CHLSN: variants seen among roughly 807,000 people sequenced by gnomAD.
CHLSN encodes the protein protein cholesin.
chr7:1,037,534 C>G, the CHLSN span, among the ~76,000 whole-genome samples: 5 of 144,790 alleles, frequency 3.5e-5, no homozygotes, highest in East Asian at 5.8e-4. Context: ...GACGGAGTCT[C>G]GTTCACTCAG....
chr7:1,078,506 C>T, the CHLSN span, among the ~76,000 whole-genome samples: 1 of 152,210 alleles, frequency 6.6e-6, no homozygotes, highest in Non-Finnish European at 1.5e-5. Context: ...GCAGGCGCTG[C>T]GCTCAGGTGG....
chr7:996,035 G>A, the CHLSN span, among the ~76,000 whole-genome samples: 1 of 152,218 alleles, frequency 6.6e-6, no homozygotes, highest in African/African-American at 2.4e-5. Context: ...AGCCAGACCT[G>A]CCCAGACCAC....
chr7:1,027,777 G>A, the CHLSN span, among the ~76,000 whole-genome samples: 1 of 152,268 alleles, frequency 6.6e-6, no homozygotes, highest in Non-Finnish European at 1.5e-5. Flanking sequence ...GGGCGAGGCG[G>A]CGCTGCGGGC....
At chr7:1,064,028 C>G in the CHLSN span, among the ~76,000 whole-genome samples, 3,300 of 152,170 alleles carry the variant, frequency 0.022, 124 homozygotes, top group African/African-American at 0.076. Context: ...CTGGCAGCCT[C>G]TGAGGGGAGG....
the CHLSN span, among the ~76,000 whole-genome samples, chr7:1,022,700 T>C: frequency 6.6e-6 from 1 of 152,184 alleles, no homozygotes; most frequent in Non-Finnish European, 1.5e-5. Context: ...TAATTTACTC[T>C]TATTCTGCAA....
At chr7:1,070,464 C>T in the CHLSN span, among the ~76,000 whole-genome samples, 31 of 151,788 alleles carry the variant, frequency 2.0e-4, 1 homozygote, top group Admixed American at 2.0e-3. Context: ...GGCCAGCACA[C>T]ATGCACGCAC....
the CHLSN span, chr7:1,028,281 G>T: frequency 3.5e-5 from 38 of 1,074,508 alleles, no homozygotes; most frequent in African/African-American, 6.4e-4. Flanking sequence ...GTCAGGTCCC[G>T]CGGGCACGGA....
the CHLSN span, among the ~76,000 whole-genome samples, chr7:1,014,808 G>C: frequency 1.6e-4 from 24 of 149,098 alleles, 1 homozygote. Context: ...GCAGCGATCC[G>C]GCCACGGCAG....
chr7:1,028,525 C>G, the CHLSN span: 1 of 985,042 alleles, frequency 1.0e-6, no homozygotes, highest in Non-Finnish European at 1.2e-6. Context: ...CTGCAGCCCC[C>G]ACTGCTCCTC....
At chr7:1,012,406 G>A in the CHLSN span, among the ~76,000 whole-genome samples, 1 of 152,254 alleles carries the variant, frequency 6.6e-6, no homozygotes, top group African/African-American at 2.4e-5. Flanking sequence ...CCCATATCGG[G>A]GCCAAGCCGG....
chr7:1,055,351 T>C, the CHLSN span: 1 of 470,986 alleles, frequency 2.1e-6, no homozygotes, highest in South Asian at 1.5e-5. Flanking sequence ...GATAAGAGCC[T>C]GCGGGTTTGC....
At chr7:1,116,405 A>C in the CHLSN span, among the ~76,000 whole-genome samples, 1 of 142,576 alleles carries the variant, frequency 7.0e-6, no homozygotes, top group Non-Finnish European at 1.5e-5. Context: ...CAGGATGATG[A>C]CATGACTGCA....
chr7:1,099,825 C>T, the CHLSN span, among the ~76,000 whole-genome samples: 13 of 152,290 alleles, frequency 8.5e-5, no homozygotes, highest in South Asian at 4.1e-4. Flanking sequence ...TCTCACTAGG[C>T]GGTTTGCTCA....
At chr7:1,127,338 G>A in the CHLSN span, 7 of 1,609,840 alleles carry the variant, frequency 4.3e-6, no homozygotes, top group East Asian at 2.2e-5. Flanking sequence ...TCAGCTTTTT[G>A]TTCTTTTTCT....
chr7:1,009,011 A>G, the CHLSN span, among the ~76,000 whole-genome samples: 11 of 104,970 alleles, frequency 1.0e-4, no homozygotes, highest in African/African-American at 3.1e-4. Flanking sequence ...GCACACACAC[A>G]CACATACACA....
At chr7:1,054,313 T>C in the CHLSN span, among the ~76,000 whole-genome samples, 1 of 152,218 alleles carries the variant, frequency 6.6e-6, no homozygotes, top group Non-Finnish European at 1.5e-5. Flanking sequence ...ATCCTCATCA[T>C]TGATACCTGG....
At chr7:1,040,448 T>C in the CHLSN span, among the ~76,000 whole-genome samples, 2 of 152,120 alleles carry the variant, frequency 1.3e-5, no homozygotes, top group South Asian at 2.1e-4. Flanking sequence ...TGAGCTATGA[T>C]TGCACCACTG....
At chr7:1,043,283 T>C in the CHLSN span, 1 of 152,178 alleles carries the variant, frequency 6.6e-6, no homozygotes, top group Non-Finnish European at 1.5e-5. Flanking sequence ...CGCTAAGGCG[T>C]ACTCTCACTT....
the CHLSN span, among the ~76,000 whole-genome samples, chr7:1,021,013 C>A: frequency 1.1e-3 from 159 of 150,658 alleles, no homozygotes; most frequent in African/African-American, 3.9e-3. Context: ...TGGGGACCTT[C>A]GGGCAGGTAC....
Sources: gnomAD v4.1 joint callset for allele counts (sites outside exome capture counted in the v4.1 genomes callset) on GRCh38, gnomAD v4.1.1 for gene constraint, MANE v1.5 for transcripts, NCBI Gene and HGNC (gene_info 2026-07-23, HGNC 2026-07-21) for gene names.